CSMD3: variants seen among roughly 807,000 people sequenced by gnomAD.
CSMD3 encodes the protein CUB and Sushi multiple domains 3, also known as CUB and sushi domain-containing protein 3.
Under a neutral mutation model 435.2 loss-of-function variants are expected in CSMD3, and 177 were observed. That is an observed-to-expected ratio of 0.41 (90% CI 0.36 to 0.46). CSMD3 has a LOEUF of 0.46. Among genes scored for constraint, CSMD3 ranks in the 20% least tolerant of loss-of-function variants. The pLI, the probability that CSMD3 is intolerant of heterozygous loss-of-function variation, is 0.34. For missense variants in CSMD3, 4,265 were observed against 4,504.6 expected, an observed-to-expected ratio of 0.95 and a Z score of 1.52; for synonymous variants, 1,656 against 1,520.5, an observed-to-expected ratio of 1.09 and a Z score of -2.07.
intron 13 of CSMD3, among the ~76,000 whole-genome samples, chr8:112,771,750 C>A (rs1001429962): frequency 6.6e-6 from 1 of 151,974 alleles, no homozygotes; most frequent in South Asian, 2.1e-4. Flanking sequence ...CATACCAACA[C>A]AATCTATAAA....
chr8:112,955,901 C>G (rs2083999746), intron 7 of CSMD3, among the ~76,000 whole-genome samples: 1 of 151,762 alleles, frequency 6.6e-6, no homozygotes, highest in South Asian at 2.1e-4. Context: ...TTCTGAACGT[C>G]ATTCTAAGCA....
rs750171856 is a variant in CSMD3 at position 112,247,070 on chromosome 8, C to A, written c.10172G>T (p.Arg3391Leu). ...CCACGTAAGATCAGGGAGGCAGGTG[C>A]GTGTTGTAGACCCTTGGAGAAGGTG... The part of the protein sequence containing the change: ...KGHLLQGSTT[R>L]TCLPDLTWSG... Residue 3391 changes from arginine to leucine, a missense_variant, in exon 64 of 71, where the codon CGC becomes CTC. Arg to Leu is a moderately radical substitution (Grantham distance 102, BLOSUM62 -2). Transcript: ENST00000297405. 2.2e-5 allele frequency: 36 copies of A among 1,613,694 alleles called. No individual in the cohort carries two copies. The highest frequency in any genetic ancestry group is 4.5e-5 in the East Asian group (2 of 44,858).
At chr8:112,465,731 T>C (rs1817886173) in intron 32 of CSMD3, among the ~76,000 whole-genome samples, 1 of 152,024 alleles carries the variant, frequency 6.6e-6, no homozygotes, top group Admixed American at 6.6e-5. Flanking sequence ...TCCCAGCATG[T>C]TGGAAGGCCC....
At chr8:112,730,188 AGAGAAGG>A (rs917629471) in intron 13 of CSMD3, among the ~76,000 whole-genome samples, 36 of 151,948 alleles carry the variant, frequency 2.4e-4, no homozygotes, top group Non-Finnish European at 4.7e-4. Flanking sequence ...TAGACTTAAA[AGAGAAGG>A]GAAGGGTGAT....
chr8:112,422,931 C>A (rs1812673619), intron 32 of CSMD3, among the ~76,000 whole-genome samples: 1 of 152,138 alleles, frequency 6.6e-6, no homozygotes, highest in Non-Finnish European at 1.5e-5. Flanking sequence ...TTTTATCAGT[C>A]ATTTGGTCCA....
chr8:113,138,175 T>G lies in CSMD3; in HGVS notation c.709+35547A>C, dbSNP rs1190485964. Among the ~76,000 whole-genome samples, 3 of 151,570 alleles carry G rather than the reference T, an allele frequency of 2.0e-5. No homozygotes were observed. The East Asian group carries it at 5.8e-4, about 29-fold the overall frequency. On this transcript the variant is annotated intron_variant, in intron 4 of 70. Transcript: ENST00000297405. ...GACACTCAATTTACCGTAATTATTATTCAAAGTGTTTTCCTAAACCTGTGG... is the reference window on the plus strand; with the variant it reads ...GACACTCAATTTACCGTAATTATTAGTCAAAGTGTTTTCCTAAACCTGTGG...
At chr8:113,080,776 T>C (rs905127367) in intron 5 of CSMD3, among the ~76,000 whole-genome samples, 4 of 152,216 alleles carry the variant, frequency 2.6e-5, no homozygotes, top group Non-Finnish European at 5.9e-5. Context: ...GCAGACCATA[T>C]GAATGTATTT....
chr8:112,689,841 T>A, intron 14 of CSMD3, 27 bp downstream of exon 14: 1 of 1,599,572 alleles, frequency 6.3e-7, no homozygotes, highest in Non-Finnish European at 8.6e-7. Flanking sequence ...ACATATGCTA[T>A]CTGGAAGCAA....
chr8:112,305,782 C>A (rs143833564), intron 51 of CSMD3, among the ~76,000 whole-genome samples: 1 of 151,932 alleles, frequency 6.6e-6, no homozygotes, highest in African/African-American at 2.4e-5. Flanking sequence ...AATAAAAGTG[C>A]CTTTTTTGAC....
At chr8:112,405,682 A>G (rs1440762261) in intron 35 of CSMD3, among the ~76,000 whole-genome samples, 5 of 151,930 alleles carry the variant, frequency 3.3e-5, no homozygotes, top group African/African-American at 2.4e-5. Context: ...TTTGTGAAAG[A>G]CTGAAAAAAT....
intron 52 of CSMD3, 50 bp downstream of exon 52, chr8:112,304,671 C>T (rs375842631): frequency 4.8e-5 from 66 of 1,386,924 alleles, no homozygotes; most frequent in Admixed American, 2.0e-4. Context: ...TCAAACAATT[C>T]GATAACCAAA....
chr8:112,510,374 C>A (rs189232426), intron 28 of CSMD3, among the ~76,000 whole-genome samples: 52 of 152,344 alleles, frequency 3.4e-4, no homozygotes, highest in Admixed American at 3.1e-3. Flanking sequence ...AGTGTATACA[C>A]ATAAATTATA....
intron 63 of CSMD3, among the ~76,000 whole-genome samples, chr8:112,254,014 G>A (rs1047528060): frequency 6.6e-6 from 1 of 151,710 alleles, no homozygotes; most frequent in Non-Finnish European, 1.5e-5. Context: ...TATGCTCACT[G>A]CTATTTTTTG....
At chr8:112,657,603 C>G (rs2075287130) in intron 17 of CSMD3, among the ~76,000 whole-genome samples, 1 of 152,162 alleles carries the variant, frequency 6.6e-6, no homozygotes, top group Non-Finnish European at 1.5e-5. Flanking sequence ...TCTTCCCTTG[C>G]ACTTCAGGGT....
intron 5 of CSMD3, among the ~76,000 whole-genome samples, chr8:113,097,214 G>A (rs928858839): frequency 8.5e-5 from 13 of 152,090 alleles, no homozygotes; most frequent in African/African-American, 2.4e-5. Context: ...CTTGGATGGA[G>A]AGTTGGATTA....
intron 6 of CSMD3, among the ~76,000 whole-genome samples, chr8:112,992,818 T>C (rs1015501263): frequency 2.0e-5 from 3 of 149,590 alleles, no homozygotes; most frequent in Non-Finnish European, 4.5e-5. Context: ...TATGTGCCTC[T>C]GTGTGTGTGT....
chr8:113,307,647 A>G (rs1469425891), intron 2 of CSMD3, among the ~76,000 whole-genome samples: 2 of 152,218 alleles, frequency 1.3e-5, no homozygotes, highest in Non-Finnish European at 2.9e-5. Flanking sequence ...AATGCTATAA[A>G]GATTGCAAAG....
At chr8:113,202,093 T>G (rs1013273262) in intron 3 of CSMD3, among the ~76,000 whole-genome samples, 1 of 152,116 alleles carries the variant, frequency 6.6e-6, no homozygotes, top group Non-Finnish European at 1.5e-5. Flanking sequence ...ACTGGAAGCA[T>G]GCCAAATCGT....
intron 12 of CSMD3, among the ~76,000 whole-genome samples, chr8:112,810,887 C>T (rs908588233): frequency 1.3e-5 from 2 of 151,852 alleles, no homozygotes; most frequent in South Asian, 2.1e-4. Flanking sequence ...TGAGGATCTA[C>T]AAAAATAATA....
Sources: allele counts gnomAD v4.1 joint callset (sites outside exome capture counted in the v4.1 genomes callset), GRCh38; gene constraint gnomAD v4.1.1; transcripts MANE v1.5; gene names NCBI Gene and HGNC (gene_info 2026-07-23, HGNC 2026-07-21).